The following YAE1 variants were observed in gnomAD, a reference collection of about 807,000 sequenced individuals.
The protein encoded by YAE1 is protein YAE1 homolog.
Under a neutral mutation model 23.0 loss-of-function variants are expected in YAE1, and 22 were observed. The ratio of observed to expected loss-of-function variants is 0.96; its 90% CI spans 0.68 to 1.37. The LOEUF (loss-of-function observed/expected upper bound fraction) is 1.37, where lower values mean the gene tolerates loss of function less well. Ranked by LOEUF, YAE1 falls within the 40% of genes most tolerant of loss-of-function variation. The probability of loss-of-function intolerance (pLI) is 0.00; values close to 1 mark genes in which losing one functional copy is unlikely to be tolerated. For missense variants in YAE1, 260 were observed against 262.1 expected (o/e 0.99, Z 0.06); for synonymous variants, 101 against 97.0 (o/e 1.04, Z -0.24).
At chr7:39,579,564 G>A (rs112066614) in intron 2 of YAE1, among the ~76,000 whole-genome samples, 3,574 of 151,880 alleles carry the variant, frequency 0.024, 73 homozygotes, top group Admixed American at 0.066. Context: ...AGCTACTCAG[G>A]AGGCTGAGGC....
downstream of YAE1, among the ~76,000 whole-genome samples, chr7:39,575,565 A>AGAGAGAGAGTGAGT (rs1562590520): frequency 9.0e-6 from 1 of 110,676 alleles, no homozygotes; most frequent in Non-Finnish European, 1.8e-5. Context: ...AGAGAGAGAG[A>AGAGAGAGAGTGAGT]GAGAGAGAGA....
At chr7:39,611,859 C>A (rs960034335), downstream of YAE1, among the ~76,000 whole-genome samples, 50 of 151,928 alleles carry the variant, frequency 3.3e-4, no homozygotes, top group African/African-American at 1.2e-3. Context: ...TTGAAAAATT[C>A]TGAGCTTAAT....
Sources: gnomAD v4.1 joint callset for allele counts (sites outside exome capture counted in the v4.1 genomes callset) on GRCh38, gnomAD v4.1.1 for gene constraint, MANE v1.5 for transcripts, NCBI Gene and HGNC (gene_info 2026-07-23, HGNC 2026-07-21) for gene names.